NCAPG: variants seen among roughly 807,000 people sequenced by gnomAD.
NCAPG encodes non-SMC condensin I complex subunit G, also known as condensin complex subunit 3.
NCAPG carries 69 observed loss-of-function variants against 113.1 expected under a neutral mutation model. The ratio of observed to expected loss-of-function variants is 0.61; its 90% confidence interval spans 0.50 to 0.75. NCAPG has a LOEUF of 0.75. NCAPG is among the 30% of genes least tolerant of loss of function. NCAPG has a pLI of 0.00. For synonymous variants in NCAPG, 370 were observed against 415.8 expected (o/e 0.89, Z 1.34); for missense variants, 1,058 against 1,177.0 (o/e 0.90, Z 1.48).
intron 5 of NCAPG, among the ~76,000 whole-genome samples, chr4:17,815,667 G>A (rs996280899): frequency 3.3e-5 from 5 of 152,134 alleles, no homozygotes. Flanking sequence ...TGGGATTACA[G>A]GTGAACATCA....
intron 14 of NCAPG, among the ~76,000 whole-genome samples, chr4:17,835,761 C>T (rs1192376059): frequency 6.6e-6 from 1 of 152,148 alleles, no homozygotes; most frequent in Non-Finnish European, 1.5e-5. Context: ...TTTAGCATAA[C>T]ATTTTCGAGA....
intron 13 of NCAPG, among the ~76,000 whole-genome samples, chr4:17,834,084 T>C (rs1721984008): frequency 6.6e-6 from 1 of 152,184 alleles, no homozygotes; most frequent in Non-Finnish European, 1.5e-5. Flanking sequence ...TTAAAGTATA[T>C]AGCTCTATTA....
In NCAPG at chr4:17,811,187, C is replaced by T. The variant is rs1463254514; in HGVS notation, c.110C>T (p.Thr37Met). 7.5e-6 allele frequency: 11 copies of T among 1,473,592 alleles called. No individual in the cohort carries two copies. The highest frequency in any genetic ancestry group is 1.3e-5 in the South Asian group (1 of 77,374). 91.3% of individuals were successfully genotyped at this position (1,473,592 alleles called of 1,614,324 possible). A position where few individuals can be genotyped will look rare whatever the true frequency, so the allele number is the denominator to read the frequency against. Residue 37 changes from threonine to methionine, a missense_variant and splice_region_variant, in exon 1 of 21, where the codon ACG becomes ATG. Coordinates refer to ENST00000251496, the MANE Select transcript of NCAPG (RefSeq NM_022346.5). This position sits in a 1 kb window ranked among gnomAD's most constrained non-coding sequence, Gnocchi z 5.3. ...LVVALSRTYR[T>M]MDDKTVFHEE... ...GTGGCGCTGAGCCGCACCTACCGCACGGTAAGCGCTCCCGGCCCCGGCCGC... is the reference window on the plus strand; with the variant it reads ...GTGGCGCTGAGCCGCACCTACCGCATGGTAAGCGCTCCCGGCCCCGGCCGC...
chr4:17,840,565 G>A (rs950925770), intron 18 of NCAPG, 42 bp from the exon 19 acceptor site: 1 of 1,126,948 alleles, frequency 8.9e-7, no homozygotes, highest in Admixed American at 2.9e-5. Flanking sequence ...AATATTTCAT[G>A]AGGTTATCTT....
chr4:17,832,266 G>A, intron 13 of NCAPG, among the ~76,000 whole-genome samples: 1 of 152,078 alleles, frequency 6.6e-6, no homozygotes, highest in Admixed American at 6.5e-5. Context: ...ATACTAATAA[G>A]GAGGGTATTT....
chr4:17,831,201 C>G lies in NCAPG; in HGVS notation c.1884+85C>G, dbSNP rs1721858727. On this transcript the variant is annotated intron_variant, in intron 13 of 20. Transcript: ENST00000251496. ...TGCTAATACTCTGAATTTATCTATTCTGATTCTTATTGATGATGATTATTA... is the reference window on the plus strand; with the variant it reads ...TGCTAATACTCTGAATTTATCTATTGTGATTCTTATTGATGATGATTATTA... 1.4e-5 allele frequency: 19 copies of G among 1,357,618 alleles called. 1 individual carries two copies. The highest frequency in any genetic ancestry group is 9.0e-6 in the Non-Finnish European group (9 of 998,638). 84.1% of individuals were successfully genotyped at this position (1,357,618 alleles called of 1,614,324 possible).
intron 11 of NCAPG, among the ~76,000 whole-genome samples, chr4:17,825,805 C>T (rs547658054): frequency 2.0e-5 from 3 of 152,084 alleles, no homozygotes; most frequent in East Asian, 3.9e-4. Context: ...CTCTAGAATC[C>T]GAAGTCTTTC....
In NCAPG at chr4:17,811,024, TG is replaced by T; in HGVS notation, c.-52del. The stretch of plus-strand genomic sequence containing the variant: ...GAGCGCTGCCTCTGGGTTGGCGGGC[TG>T]GCAGGCTGTAGCCGAGCGCGGGCAG... On this transcript the variant is annotated 5_prime_UTR_variant, in exon 1 of 21. Transcript: ENST00000251496. The surrounding 1 kb of genome is among the most constrained non-coding windows in gnomAD (Gnocchi z 5.3). The T allele has an allele frequency of 8.5e-7, 1 of 1,172,694 alleles. No individual in the cohort carries two copies. Among genetic ancestry groups the T allele is most frequent in the Non-Finnish European group, 1.2e-6 (1 of 858,764 alleles). The allele number at this position is 1,172,694 out of a possible 1,614,324, so 72.6% of individuals were successfully genotyped here.
chr4:17,826,473 T>G (rs918368553), intron 11 of NCAPG, among the ~76,000 whole-genome samples: 1 of 152,196 alleles, frequency 6.6e-6, no homozygotes, highest in Non-Finnish European at 1.5e-5. Context: ...AGCTGGTGGC[T>G]TCTTTTATTT....
At chr4:17,817,142 C>A in intron 5 of NCAPG, 119 bp from the exon 6 acceptor site, 1 of 672,714 alleles carries the variant, frequency 1.5e-6, no homozygotes, top group Non-Finnish European at 2.5e-6. Flanking sequence ...CTTAGTTGTG[C>A]CTCTTAACCT....
In NCAPG at chr4:17,818,064, T is replaced by C. The variant is rs763192430; in HGVS notation, c.1094T>C (p.Val365Ala). ...TTAGAGCAGATTTTGCCAGAGCCTG[T>C]AGTATATGCAGACTATTTATTGAGG... The part of the protein sequence containing the change: ...EFLEQILPEP[V>A]VYADYLLSYI... Residue 365 changes from valine to alanine, a missense_variant, in exon 7 of 21, where the codon GTA becomes GCA. Transcript: ENST00000251496. 13 of 1,610,314 alleles carry C rather than the reference T, an allele frequency of 8.1e-6. No homozygotes were observed. In the African/African-American group the frequency reaches 1.7e-4, roughly 22 times the overall value.
intron 13 of NCAPG, among the ~76,000 whole-genome samples, chr4:17,832,483 G>GC (rs1309650107): frequency 1.3e-5 from 2 of 152,208 alleles, no homozygotes; most frequent in East Asian, 3.9e-4. Flanking sequence ...GATGGGGAAA[G>GC]CAGAGGAGCA....
chr4:17,829,527 G>A (rs185981663), intron 12 of NCAPG, among the ~76,000 whole-genome samples: 4 of 152,226 alleles, frequency 2.6e-5, no homozygotes, highest in East Asian at 1.9e-4. Flanking sequence ...TAGTAAATAC[G>A]AAGACTGTAT....
At chr4:17,842,481 C>A in intron 20 of NCAPG, 102 bp downstream of exon 20, 1 of 897,324 alleles carries the variant, frequency 1.1e-6, no homozygotes, top group East Asian at 2.6e-5. Flanking sequence ...GAATATATAA[C>A]AAGATAGTGA....
At chr4:17,837,529 TTAA>T in intron 15 of NCAPG, 95 bp from the exon 16 acceptor site, 1 of 1,388,880 alleles carries the variant, frequency 7.2e-7, no homozygotes, top group East Asian at 2.3e-5. Context: ...GAAAATGCAC[TTAA>T]TGAGTGAATT....
At chr4:17,832,174 TA>T (rs1721891209) in intron 13 of NCAPG, among the ~76,000 whole-genome samples, 1 of 152,196 alleles carries the variant, frequency 6.6e-6, no homozygotes, top group Non-Finnish European at 1.5e-5. Context: ...ACTTGCAGGC[TA>T]TGCAAAAACA....
Position 17,837,637 on chromosome 4 carries a change from G to T in NCAPG, c.2302G>T (p.Glu768Ter). Residue 768 changes from glutamate to a stop codon, truncating the protein, a stop_gained, in exon 16 of 21, where the codon GAA becomes TAA. Transcript: ENST00000251496. LOFTEE classifies it high-confidence loss of function. ...TTTGTTTCTCAATAGGACTAATCAGGAATGCTTTGAAGAAGCTTTTCTTCC... is the reference window on the plus strand; with the variant it reads ...TTTGTTTCTCAATAGGACTAATCAGTAATGCTTTGAAGAAGCTTTTCTTCC... ...VFAYASRTNQ[E>*]CFEEAFLPTL... 1 of 1,613,310 alleles carries T rather than the reference G, an allele frequency of 6.2e-7. No individual in the cohort carries two copies. Among genetic ancestry groups the T allele is most frequent in the Non-Finnish European group, 8.5e-7 (1 of 1,179,772 alleles).
intron 20 of NCAPG, 21 bp from the exon 21 acceptor site, chr4:17,843,281 G>A: frequency 1.3e-6 from 2 of 1,597,644 alleles, no homozygotes; most frequent in Non-Finnish European, 1.7e-6. Context: ...CTAAATTCGT[G>A]TATTTTCAAC....
rs1394048274 is a variant in NCAPG at position 17,834,497 on chromosome 4, C to T, written c.2083C>T (p.Leu695Phe). 2 of 1,593,648 alleles carry T rather than the reference C, an allele frequency of 1.3e-6. No individual in the cohort carries two copies. Among genetic ancestry groups the T allele is most frequent in the South Asian group, 2.3e-5 (2 of 87,308 alleles). The change falls in exon 14 of 21, where the codon CTC (leucine) becomes TTC (phenylalanine). Residue 695 changes from leucine (L) to phenylalanine (F), a missense_variant. Leu to Phe is a conservative substitution (Grantham distance 22). Transcript: ENST00000251496. ...ETATAKNVLK[L>F]LSDFLDSEVS... ...TGCTACAGCTAAGAATGTTCTGAAA[C>T]TCCTTTCTGATTTCTTAGATAGTGA...
Sources: gnomAD v4.1 joint callset for allele counts (sites outside exome capture counted in the v4.1 genomes callset) on GRCh38, gnomAD v4.1.1 for gene constraint, Gnocchi (gnomAD v3.1) non-coding constraint, MANE v1.5 for transcripts, NCBI Gene and HGNC (gene_info 2026-07-23, HGNC 2026-07-21) for gene names.